Variants in NLRP13 observed in about 807,000 individuals in gnomAD.
The protein encoded by NLRP13 is NLR family pyrin domain containing 13.
NLRP13 carries 82 observed loss-of-function variants against 94.4 expected under a neutral mutation model. The ratio of observed to expected loss-of-function variants is 0.87; its 90% CI spans 0.73 to 1.04. NLRP13 has a LOEUF of 1.04. NLRP13 is among the 50% of genes least tolerant of loss of function. The probability of loss-of-function intolerance (pLI) is 0.00; values close to 1 mark genes in which losing one functional copy is unlikely to be tolerated. For missense variants in NLRP13, 1,426 were observed against 1,230.8 expected (o/e 1.16, Z -2.37); for synonymous variants, 553 against 464.7 (o/e 1.19, Z -2.45).
chr19:55,898,915 T>C lies in NLRP13; in HGVS notation c.2812A>G (p.Arg938Gly). 6.2e-7 allele frequency: 1 copy of C among 1,605,382 alleles called. No individual in the cohort carries two copies. Among genetic ancestry groups the C allele is most frequent in the Non-Finnish European group, 8.5e-7 (1 of 1,177,750 alleles). The stretch of plus-strand genomic sequence containing the variant: ...TTAGCCAGCTCTCCACAGCCCTCTC[T>C]TGTGAAAGAACAACCTGACAAACTG... ...SLNLSGCSFT[R>G]EGCGELANAL... Residue 938 changes from arginine to glycine, a missense_variant, in exon 10 of 11, where the codon AGA becomes GGA. By Grantham distance (125) the Arg-to-Gly change is moderately radical (BLOSUM62 -2). Transcript: ENST00000342929.
intron 9 of NLRP13, among the ~76,000 whole-genome samples, chr19:55,899,474 C>A (rs1288079233): frequency 1.3e-5 from 2 of 150,326 alleles, no homozygotes; most frequent in African/African-American, 5.0e-5. Context: ...ATCCTTAAAC[C>A]CACCCCCCCC....
At chr19:55,919,213 A>C (rs1986748985) in intron 4 of NLRP13, among the ~76,000 whole-genome samples, 1 of 152,158 alleles carries the variant, frequency 6.6e-6, no homozygotes, top group Non-Finnish European at 1.5e-5. Flanking sequence ...CTTCAAAGGA[A>C]CATATGTCAA....
intron 6 of NLRP13, 103 bp from the exon 7 acceptor site, chr19:55,908,059 G>C: frequency 1.0e-6 from 1 of 975,886 alleles, no homozygotes. Flanking sequence ...CACTGCCAAG[G>C]TTATACACGG....
At chr19:55,905,739 T>C (rs993295814) in intron 7 of NLRP13, among the ~76,000 whole-genome samples, 3 of 152,010 alleles carry the variant, frequency 2.0e-5, no homozygotes, top group Non-Finnish European at 2.9e-5. Flanking sequence ...ATGAGAGGAC[T>C]GCCCTGTGCA....
rs199476258 is a variant in NLRP13 at position 55,902,216 on chromosome 19, A to T, written c.2619-11T>A. The T allele has an allele frequency of 1.7e-4, 267 of 1,612,922 alleles. 1 individual carries two copies. In the African/African-American group the frequency reaches 3.4e-3, roughly 20 times the overall value. ...TGGCAAAACCAGAGCCTGCAGGGTG[A>T]AAGCCACAGAGATGGACACTCAGGG... On this transcript the variant is annotated splice_polypyrimidine_tract_variant and intron_variant, in intron 8 of 10. Transcript: ENST00000342929.
At position 55,923,991 on chromosome 19, in the gene NLRP13, A is replaced by G; in HGVS notation, c.458-12T>C. 1.2e-6 allele frequency: 2 copies of G among 1,609,164 alleles called. No individual in the cohort carries two copies. The highest frequency in any genetic ancestry group is 1.7e-5 in the Admixed American group (1 of 59,986). On this transcript the variant is annotated splice_polypyrimidine_tract_variant and intron_variant, in intron 3 of 10. Transcript: ENST00000342929. The stretch of plus-strand genomic sequence containing the variant: ...GGCCTGTACATTCCCTGAAATAAAC[A>G]GTGATGATGAGATATGAAAATACCC...
chr19:55,926,586 T>C (rs548587243), intron 1 of NLRP13, among the ~76,000 whole-genome samples: 59 of 152,262 alleles, frequency 3.9e-4, no homozygotes, highest in Non-Finnish European at 8.5e-4. Context: ...GTTTACTTAG[T>C]GGTGTCTTTA....
At chr19:55,913,400 C>T in intron 4 of NLRP13, 107 bp from the exon 5 acceptor site, 1 of 1,270,768 alleles carries the variant, frequency 7.9e-7, no homozygotes, top group Non-Finnish European at 1.1e-6. Context: ...AGAAACTCTG[C>T]CTTCCAGGAT....
At position 55,912,762 on chromosome 19, in the gene NLRP13, T is replaced by A. The variant is rs758427437; in HGVS notation, c.1055A>T (p.Glu352Val). ...TKILHSLLKK[E>V]LVPLATLLIT... ...CAGTAAGGTAGCCAGGGGAACCAAT[T>A]CTTTCTTCAACAAGCTGTGTAGGAT... The change falls in exon 5 of 11, where the codon GAA becomes GTA. Residue 352 changes from glutamate to valine, a missense_variant. Coordinates refer to ENST00000342929, the MANE Select transcript of NLRP13 (RefSeq NM_176810.2). 2 of 1,614,124 alleles carry A rather than the reference T, an allele frequency of 1.2e-6. No individual in the cohort carries two copies. Among genetic ancestry groups the A allele is most frequent in the South Asian group, 2.2e-5 (2 of 91,080 alleles).
intron 10 of NLRP13, among the ~76,000 whole-genome samples, chr19:55,896,820 CA>C (rs3073244): frequency 0.039 from 3,127 of 80,652 alleles, 13 homozygotes; most frequent in Non-Finnish European, 0.059. Flanking sequence ...CTCCATCTCA[CA>C]AAAAAAAAAA....
chr19:55,910,018 C>A (rs1600266842), intron 6 of NLRP13, among the ~76,000 whole-genome samples: 1 of 152,246 alleles, frequency 6.6e-6, no homozygotes, highest in Non-Finnish European at 1.5e-5. Context: ...GGAGATGCCA[C>A]CCTCTTGGGT....
intron 4 of NLRP13, among the ~76,000 whole-genome samples, chr19:55,921,689 G>A (rs1418000524): frequency 2.0e-5 from 3 of 152,186 alleles, no homozygotes; most frequent in Non-Finnish European, 1.5e-5. Context: ...TGGATTATCT[G>A]GGGGGCTAAT....
Position 55,913,339 on chromosome 19 carries a change from GA to G in NLRP13, c.524-47del, listed in dbSNP as rs766471151. The G allele has an allele frequency of 1.2e-4, 192 of 1,563,574 alleles. No individual in the cohort carries two copies. The East Asian group carries it at 4.3e-3, about 35-fold the overall frequency. On this transcript the variant is annotated intron_variant, in intron 4 of 10. Coordinates refer to ENST00000342929, the MANE Select transcript of NLRP13 (RefSeq NM_176810.2). ...AGAAGAATGGTAAGAATAAATTTCA[GA>G]GTTAGGAATGATTCAGTTACAAAGT...
chr19:55,931,647 TAC>T (rs1721752088), intron 1 of NLRP13, among the ~76,000 whole-genome samples: 1 of 142,066 alleles, frequency 7.0e-6, no homozygotes, highest in South Asian at 2.2e-4. Flanking sequence ...AGGCAGAGGT[TAC>T]AGTGACCTCA....
chr19:55,898,194 G>GTTTTTTTTTT (rs1209396021), intron 10 of NLRP13, among the ~76,000 whole-genome samples: 1 of 59,276 alleles, frequency 1.7e-5, no homozygotes, highest in African/African-American at 8.0e-5. Context: ...TAGCAGGAGA[G>GTTTTTTTTTT]TTTTTGTTTT....
intron 6 of NLRP13, among the ~76,000 whole-genome samples, chr19:55,909,900 G>A (rs1290102587): frequency 1.3e-5 from 2 of 152,024 alleles, no homozygotes; most frequent in African/African-American, 4.8e-5. Context: ...GAGTCAAGTC[G>A]GTCTTTACCC....
chr19:55,911,901 A>C lies in NLRP13; in HGVS notation c.1916T>G (p.Phe639Cys). The change falls in exon 5 of 11, where the codon TTT becomes TGT. Residue 639 changes from phenylalanine to cysteine, a missense_variant. Coordinates refer to ENST00000342929, the MANE Select transcript of NLRP13 (RefSeq NM_176810.2). The stretch of plus-strand genomic sequence containing the variant: ...CTCCTGGGACTCGTGTAGGCAGTGA[A>C]AAAGTCGTAGAATGTGAAATTGGAG... ...ASLQFHILRL[F>C]HCLHESQEED... The C allele has an allele frequency of 6.2e-7, 1 of 1,614,158 alleles. No homozygotes were observed. The highest frequency in any genetic ancestry group is 8.5e-7 in the Non-Finnish European group (1 of 1,180,000).
At position 55,911,949 on chromosome 19, in the gene NLRP13, A is replaced by G; in HGVS notation, c.1868T>C (p.Leu623Ser). 2 of 1,614,180 alleles carry G rather than the reference A, an allele frequency of 1.2e-6. No individual in the cohort carries two copies. The highest frequency in any genetic ancestry group is 1.7e-6 in the Non-Finnish European group (2 of 1,180,030). ...GAGAGAGGCACTTTCAGCCTTACCT[A>G]ACTCTTCTCCCCACTTTAATAATTC... is the stretch of plus-strand genomic sequence containing the variant. The part of the protein sequence containing the change: ...MEELLKWGEE[L>S]GKAESASLQF... Residue 623 changes from leucine (L) to serine (S), a missense_variant, in exon 5 of 11, where the codon TTA becomes TCA. Physicochemically the swap from Leu to Ser is moderately radical, Grantham distance 145. Coordinates refer to ENST00000342929, the MANE Select transcript of NLRP13 (RefSeq NM_176810.2).
At chr19:55,901,587 G>C (rs927172887) in intron 9 of NLRP13, among the ~76,000 whole-genome samples, 2 of 152,076 alleles carry the variant, frequency 1.3e-5, no homozygotes, top group African/African-American at 4.8e-5. Flanking sequence ...GAAGGGGAGC[G>C]GTACTGTGGA....
Sources: allele counts gnomAD v4.1 joint callset (sites outside exome capture counted in the v4.1 genomes callset), GRCh38; gene constraint gnomAD v4.1.1; transcripts MANE v1.5; gene names NCBI Gene and HGNC (gene_info 2026-07-23, HGNC 2026-07-21).